GRB14: variants seen among roughly 807,000 people sequenced by gnomAD.
GRB14 encodes the protein growth factor receptor bound protein 14.
GRB14 carries 38 observed loss-of-function variants against 69.1 expected under a neutral mutation model. The observed-to-expected ratio is 0.55, with a 90% CI of 0.42 to 0.72. The LOEUF is 0.72. Ranked by LOEUF, GRB14 falls within the 30% of genes least tolerant of loss-of-function variation. GRB14 has a pLI of 0.00. For missense variants in GRB14, 666 were observed against 666.1 expected, an observed-to-expected ratio of 1.00 and a Z score of 0.00; for synonymous variants, 247 against 241.3, an observed-to-expected ratio of 1.02 and a Z score of -0.22.
chr2:164,558,141 TC>T (rs1688727102), intron 2 of GRB14, among the ~76,000 whole-genome samples: 1 of 152,068 alleles, frequency 6.6e-6, no homozygotes. Flanking sequence ...GCCCCTCCAT[TC>T]ACCTTTATCC....
intron 6 of GRB14, among the ~76,000 whole-genome samples, chr2:164,511,926 A>G (rs1341576251): frequency 6.6e-6 from 1 of 152,008 alleles, no homozygotes; most frequent in African/African-American, 2.4e-5. Flanking sequence ...CGAGTCCCAG[A>G]CCTGGTGGCA....
chr2:164,552,886 T>C (rs771412636), intron 2 of GRB14, among the ~76,000 whole-genome samples: 12 of 152,178 alleles, frequency 7.9e-5, no homozygotes, highest in Non-Finnish European at 1.2e-4. Flanking sequence ...CTGCCAAAGA[T>C]GATGTGAAGA....
intron 2 of GRB14, among the ~76,000 whole-genome samples, chr2:164,612,092 C>T (rs1574356725): frequency 6.6e-6 from 1 of 152,176 alleles, no homozygotes; most frequent in Non-Finnish European, 1.5e-5. Context: ...TTGCTGATTC[C>T]TGTTCCAATA....
Position 164,508,783 on chromosome 2 carries a change from T to C in GRB14, c.886A>G (p.Lys296Glu), listed in dbSNP as rs1230944679. The C allele has an allele frequency of 6.3e-7, 1 of 1,594,560 alleles. No homozygotes were observed. Among genetic ancestry groups the C allele is most frequent in the Non-Finnish European group, 8.5e-7 (1 of 1,173,900 alleles). ...SDIYVSLAGK[K>E]KHGAPTNYGF... ...TAGTTAGTCGGTGCTCCATGTTTTTTTTTGCCTGCCAGTGACACATAAATA... is the reference window on the plus strand; with the variant it reads ...TAGTTAGTCGGTGCTCCATGTTTTTCTTTGCCTGCCAGTGACACATAAATA... Residue 296 changes from lysine (K) to glutamate (E), a missense_variant, in exon 7 of 14, where the codon AAA becomes GAA. Transcript: ENST00000263915.
At chr2:164,541,629 T>C (rs1404079238) in intron 3 of GRB14, among the ~76,000 whole-genome samples, 2 of 151,880 alleles carry the variant, frequency 1.3e-5, no homozygotes, top group Non-Finnish European at 2.9e-5. Context: ...ATTAAATAAA[T>C]AATTTAAATT....
chr2:164,515,719 T>C (rs189929367), intron 6 of GRB14, among the ~76,000 whole-genome samples: 102 of 150,908 alleles, frequency 6.8e-4, no homozygotes, highest in Non-Finnish European at 1.2e-3. Context: ...AAGAAATCTA[T>C]GAATTGTCAG....
At chr2:164,552,295 T>C (rs751591360) in intron 2 of GRB14, among the ~76,000 whole-genome samples, 3 of 152,210 alleles carry the variant, frequency 2.0e-5, no homozygotes, top group African/African-American at 4.8e-5. Flanking sequence ...TAATTTATCA[T>C]TGTATCACAG....
chr2:164,499,867 A>C (rs140146138), intron 9 of GRB14, among the ~76,000 whole-genome samples: 1 of 152,108 alleles, frequency 6.6e-6, no homozygotes. Flanking sequence ...TTTTTCTCTC[A>C]TTTGCTTTAT....
intron 8 of GRB14, 58 bp from the exon 9 acceptor site, chr2:164,502,393 G>T: frequency 1.1e-6 from 1 of 947,960 alleles, no homozygotes; most frequent in South Asian, 1.4e-5. Context: ...GATAATCTAT[G>T]AAAATCAACA....
intron 2 of GRB14, among the ~76,000 whole-genome samples, chr2:164,565,914 T>C (rs1287345576): frequency 2.0e-5 from 3 of 152,206 alleles, no homozygotes; most frequent in Non-Finnish European, 4.4e-5. Context: ...TCCTAAGCAC[T>C]ACCAGAGACA....
intron 2 of GRB14, among the ~76,000 whole-genome samples, chr2:164,560,937 G>T (rs73020285): frequency 0.021 from 3,225 of 152,164 alleles, 110 homozygotes; most frequent in African/African-American, 0.074. Context: ...CTTTCTAGGG[G>T]TTTAGAATCT....
chr2:164,575,297 A>G (rs1689226690), intron 2 of GRB14, among the ~76,000 whole-genome samples: 1 of 152,230 alleles, frequency 6.6e-6, no homozygotes, highest in Non-Finnish European at 1.5e-5. Flanking sequence ...TCTTGTTTTC[A>G]TAGGATCTTC....
chr2:164,494,299 C>T (rs1686835182), intron 13 of GRB14, 132 bp downstream of exon 13: 2 of 608,470 alleles, frequency 3.3e-6, no homozygotes, highest in Non-Finnish European at 5.9e-6. Flanking sequence ...AGTCAAAGCA[C>T]AAGCTGCCAA....
intron 3 of GRB14, among the ~76,000 whole-genome samples, chr2:164,532,247 G>T (rs1687960982): frequency 6.6e-6 from 1 of 152,166 alleles, no homozygotes; most frequent in Admixed American, 6.5e-5. Context: ...GAACAATCCA[G>T]AGAACAAACA....
chr2:164,553,199 T>G (rs942198643), intron 2 of GRB14, among the ~76,000 whole-genome samples: 1 of 152,124 alleles, frequency 6.6e-6, no homozygotes, highest in Non-Finnish European at 1.5e-5. Flanking sequence ...CTAAACCAAT[T>G]TTTTTTAAAA....
chr2:164,571,229 C>T (rs1456568812), intron 2 of GRB14, among the ~76,000 whole-genome samples: 1 of 152,166 alleles, frequency 6.6e-6, no homozygotes, highest in South Asian at 2.1e-4. Flanking sequence ...TTGCCACTCA[C>T]TAACCTTGTC....
intron 2 of GRB14, among the ~76,000 whole-genome samples, chr2:164,612,563 A>G (rs1469307138): frequency 2.6e-5 from 4 of 152,186 alleles, no homozygotes; most frequent in African/African-American, 9.6e-5. Context: ...CAAAAGGACA[A>G]TTCTCAGGTC....
chr2:164,507,851 G>T (rs1051795018), intron 8 of GRB14, among the ~76,000 whole-genome samples: 1 of 152,088 alleles, frequency 6.6e-6, no homozygotes, highest in African/African-American at 2.4e-5. Context: ...CATCAGTTCT[G>T]CTTTTATTTC....
At chr2:164,613,805 T>A (rs1558885017) in intron 2 of GRB14, among the ~76,000 whole-genome samples, 1 of 152,188 alleles carries the variant, frequency 6.6e-6, no homozygotes, top group Non-Finnish European at 1.5e-5. Context: ...GAACAATCAA[T>A]ACCTGGCTAA....
Sources: allele counts gnomAD v4.1 joint callset (sites outside exome capture counted in the v4.1 genomes callset), GRCh38; gene constraint gnomAD v4.1.1; transcripts MANE v1.5; gene names NCBI Gene and HGNC (gene_info 2026-07-23, HGNC 2026-07-21).